MBOAT1: variants seen among roughly 807,000 people sequenced by gnomAD.
The protein encoded by MBOAT1 is membrane-bound glycerophospholipid O-acyltransferase 1.
MBOAT1 carries 67 observed loss-of-function variants against 64.4 expected under a neutral mutation model. The ratio of observed to expected loss-of-function variants is 1.04; its 90% confidence interval spans 0.85 to 1.27. MBOAT1 has a LOEUF of 1.27. Ranked by LOEUF, MBOAT1 falls within the 50% of genes most tolerant of loss-of-function variation. The pLI is 0.00. For missense variants in MBOAT1, 563 were observed against 604.6 expected (o/e 0.93, Z 0.72); for synonymous variants, 229 against 218.9 (o/e 1.05, Z -0.41).
intron 12 of MBOAT1, among the ~76,000 whole-genome samples, chr6:20,104,331 T>C (rs1030924980): frequency 9.9e-5 from 15 of 152,224 alleles, no homozygotes; most frequent in African/African-American, 3.6e-4. Flanking sequence ...AACCCATTGC[T>C]CTACTCAAGT....
intron 4 of MBOAT1, 108 bp from the exon 5 acceptor site, chr6:20,131,307 CAT>C: frequency 2.0e-6 from 2 of 1,002,930 alleles, no homozygotes; most frequent in South Asian, 2.6e-5. Context: ...ATAATCCCCA[CAT>C]GTCGTGGGAG....
At chr6:20,126,412 T>C in intron 7 of MBOAT1, 105 bp downstream of exon 7, 2 of 954,508 alleles carry the variant, frequency 2.1e-6, no homozygotes, top group South Asian at 3.5e-5. Flanking sequence ...AGAAAAGTTA[T>C]TGGCCAAGCT....
At chr6:20,129,068 C>A (rs762032280) in intron 5 of MBOAT1, among the ~76,000 whole-genome samples, 1 of 152,066 alleles carries the variant, frequency 6.6e-6, no homozygotes, top group Non-Finnish European at 1.5e-5. Flanking sequence ...AGTTCCTTGC[C>A]ACTTTGTATA....
intron 4 of MBOAT1, 62 bp downstream of exon 4, chr6:20,144,158 G>T: frequency 9.3e-7 from 1 of 1,071,960 alleles, no homozygotes; most frequent in Non-Finnish European, 1.4e-6. Context: ...GATGTTTACA[G>T]ACCCCAAGAG....
chr6:20,177,460 C>G (rs1762375552), intron 1 of MBOAT1, among the ~76,000 whole-genome samples: 2 of 152,188 alleles, frequency 1.3e-5, no homozygotes, highest in African/African-American at 4.8e-5. Context: ...TCCCAAAATG[C>G]TGGGGTTACA....
chr6:20,160,141 T>A (rs1159845492), intron 1 of MBOAT1, among the ~76,000 whole-genome samples: 1 of 152,220 alleles, frequency 6.6e-6, no homozygotes, highest in African/African-American at 2.4e-5. Flanking sequence ...GACTTCTTAT[T>A]TCATCAAACC....
At chr6:20,104,696 C>G (rs557154588) in intron 12 of MBOAT1, among the ~76,000 whole-genome samples, 3 of 152,314 alleles carry the variant, frequency 2.0e-5, no homozygotes, top group African/African-American at 7.2e-5. Context: ...CATTCCCCAA[C>G]TTCTGTGATT....
At chr6:20,145,899 C>A (rs899622731) in intron 3 of MBOAT1, among the ~76,000 whole-genome samples, 4 of 152,226 alleles carry the variant, frequency 2.6e-5, no homozygotes, top group African/African-American at 9.6e-5. Flanking sequence ...TACCACATCT[C>A]CTGTTCCCCA....
intron 1 of MBOAT1, among the ~76,000 whole-genome samples, chr6:20,201,742 G>C (rs542229231): frequency 2.0e-5 from 3 of 151,664 alleles, no homozygotes; most frequent in Non-Finnish European, 4.4e-5. Context: ...CACCACACCC[G>C]GCTAATTTTT....
At chr6:20,105,273 A>G (rs893060636) in intron 12 of MBOAT1, among the ~76,000 whole-genome samples, 1 of 152,242 alleles carries the variant, frequency 6.6e-6, no homozygotes, top group Non-Finnish European at 1.5e-5. Context: ...AGTGGAAAAC[A>G]CCTAGTAAGG....
intron 4 of MBOAT1, among the ~76,000 whole-genome samples, chr6:20,141,359 CTT>C (rs755615744): frequency 0.074 from 7,338 of 99,794 alleles, 205 homozygotes; most frequent in Middle Eastern, 0.18. Flanking sequence ...TTTTCTTTTT[CTT>C]TTTTTTTTTT....
At chr6:20,168,358 A>C (rs1301710997) in intron 1 of MBOAT1, among the ~76,000 whole-genome samples, 1 of 151,920 alleles carries the variant, frequency 6.6e-6, no homozygotes, top group South Asian at 2.1e-4. Flanking sequence ...CCAGCTACTC[A>C]GGAGGCTGAG....
At chr6:20,153,906 A>G (rs1761600588) in intron 1 of MBOAT1, among the ~76,000 whole-genome samples, 1 of 152,270 alleles carries the variant, frequency 6.6e-6, no homozygotes, top group Non-Finnish European at 1.5e-5. Flanking sequence ...TCAAATTCCA[A>G]ATACATTAAG....
At chr6:20,142,142 T>G (rs1238840768) in intron 4 of MBOAT1, among the ~76,000 whole-genome samples, 1 of 152,212 alleles carries the variant, frequency 6.6e-6, no homozygotes, top group African/African-American at 2.4e-5. Context: ...CAGCGATTTT[T>G]GTTTAATATC....
At chr6:20,112,226 C>T (rs1321294816) in intron 11 of MBOAT1, among the ~76,000 whole-genome samples, 1 of 151,948 alleles carries the variant, frequency 6.6e-6, no homozygotes, top group African/African-American at 2.4e-5. Flanking sequence ...TATGCATGTT[C>T]GTCTCCTTCT....
At chr6:20,148,289 T>G (rs1265887240) in intron 3 of MBOAT1, among the ~76,000 whole-genome samples, 3 of 152,070 alleles carry the variant, frequency 2.0e-5, no homozygotes, top group African/African-American at 7.2e-5. Flanking sequence ...TGGTGGTAGG[T>G]GCCTGTAATC....
chr6:20,189,523 C>T (rs1475967903), intron 1 of MBOAT1, among the ~76,000 whole-genome samples: 1 of 152,158 alleles, frequency 6.6e-6, no homozygotes, highest in Non-Finnish European at 1.5e-5. Flanking sequence ...GCTTCAGCTT[C>T]CCAAATAGCT....
intron 1 of MBOAT1, among the ~76,000 whole-genome samples, chr6:20,180,809 A>T (rs1352170738): frequency 1.2e-4 from 18 of 152,236 alleles, no homozygotes; most frequent in Admixed American, 1.2e-3. Context: ...ATCCATGGGC[A>T]AGTGCATTTA....
chr6:20,197,583 C>A (rs1172233895), intron 1 of MBOAT1, among the ~76,000 whole-genome samples: 1 of 152,182 alleles, frequency 6.6e-6, no homozygotes, highest in Non-Finnish European at 1.5e-5. Flanking sequence ...TAATCAGAAA[C>A]TCAAAAGAAT....
Sources: gnomAD v4.1 joint callset for allele counts (sites outside exome capture counted in the v4.1 genomes callset) on GRCh38, gnomAD v4.1.1 for gene constraint, MANE v1.5 for transcripts, NCBI Gene and HGNC (gene_info 2026-07-23, HGNC 2026-07-21) for gene names.